CNTN5: variants seen among roughly 807,000 people sequenced by gnomAD.
CNTN5 encodes the protein contactin-5.
CNTN5 carries 77 observed loss-of-function variants against 129.1 expected under a neutral mutation model. That is an observed-to-expected ratio of 0.60 (90% CI 0.50 to 0.72). CNTN5 has a LOEUF of 0.72. CNTN5 is among the 30% of genes least tolerant of loss of function. CNTN5 has a pLI of 0.00. For missense variants in CNTN5, 1,478 were observed against 1,328.8 expected, an observed-to-expected ratio of 1.11 and a Z score of -1.75; for synonymous variants, 509 against 465.6, an observed-to-expected ratio of 1.09 and a Z score of -1.20.
intron 2 of CNTN5, among the ~76,000 whole-genome samples, chr11:99,503,861 G>C (rs191960754): frequency 1.3e-5 from 2 of 152,096 alleles, no homozygotes; most frequent in East Asian, 3.9e-4. Flanking sequence ...ATCCATTTTA[G>C]TTAATAATTA....
chr11:100,341,566 G>T (rs1391550292), intron 23 of CNTN5, among the ~76,000 whole-genome samples: 3 of 152,064 alleles, frequency 2.0e-5, no homozygotes, highest in Non-Finnish European at 4.4e-5. Context: ...GGACCATTTC[G>T]TTTTAGTGGA....
intron 3 of CNTN5, among the ~76,000 whole-genome samples, chr11:99,679,313 G>C (rs1953449910): frequency 6.6e-6 from 1 of 151,604 alleles, no homozygotes. Flanking sequence ...TTATTATACT[G>C]TGGAGATACC....
chr11:99,305,975 C>T (rs553733120), intron 1 of CNTN5, among the ~76,000 whole-genome samples: 4 of 149,898 alleles, frequency 2.7e-5, no homozygotes, highest in African/African-American at 4.9e-5. Context: ...AGTGAAACTC[C>T]GCCTCAAAAA....
At chr11:99,356,034 G>C (rs929605285) in intron 2 of CNTN5, among the ~76,000 whole-genome samples, 2 of 151,864 alleles carry the variant, frequency 1.3e-5, no homozygotes, top group Non-Finnish European at 2.9e-5. Context: ...CACCATGTTA[G>C]CCAGGATGGT....
At chr11:99,809,884 C>A (rs903290457) in intron 3 of CNTN5, among the ~76,000 whole-genome samples, 4 of 152,044 alleles carry the variant, frequency 2.6e-5, no homozygotes, top group African/African-American at 9.7e-5. Context: ...ACAGTTAAAA[C>A]TTTACTGAAA....
intron 6 of CNTN5, among the ~76,000 whole-genome samples, chr11:99,908,223 G>C (rs1181630834): frequency 6.6e-6 from 1 of 151,982 alleles, no homozygotes; most frequent in Non-Finnish European, 1.5e-5. Context: ...AAAGGGGTAA[G>C]GAGTCATAGT....
intron 1 of CNTN5, among the ~76,000 whole-genome samples, chr11:99,134,455 A>G (rs961466426): frequency 2.6e-5 from 4 of 152,196 alleles, no homozygotes; most frequent in Admixed American, 2.6e-4. Context: ...TTGAGATATC[A>G]TTTACAATTA....
At chr11:99,716,857 A>G (rs1379560560) in intron 3 of CNTN5, among the ~76,000 whole-genome samples, 1 of 152,128 alleles carries the variant, frequency 6.6e-6, no homozygotes, top group Non-Finnish European at 1.5e-5. Context: ...AAACGAAAGT[A>G]TTTTATGTTC....
rs180840418 is a variant in CNTN5, at chr11:99,871,595, T to G, written c.577+26333T>G. Among the ~76,000 whole-genome samples the G allele has an allele frequency of 2.2e-4, 33 of 152,188 alleles. No individual in the cohort carries two copies. In the East Asian group the frequency reaches 2.3e-3, roughly 11 times the overall value. On this transcript the variant is annotated intron_variant, in intron 6 of 24. Transcript: ENST00000524871. ...AGGTACTGGGAAAACGTGATTTATATACATTTATGGCTTAGAAAACAACAA... is the reference window on the plus strand; with the variant it reads ...AGGTACTGGGAAAACGTGATTTATAGACATTTATGGCTTAGAAAACAACAA...
chr11:99,159,944 T>C (rs1227579450), intron 1 of CNTN5, among the ~76,000 whole-genome samples: 1 of 152,218 alleles, frequency 6.6e-6, no homozygotes, highest in African/African-American at 2.4e-5. Context: ...AGGCACTTGA[T>C]ATTTAATATT....
chr11:99,681,290 C>G (rs919117225), intron 3 of CNTN5, among the ~76,000 whole-genome samples: 9 of 152,062 alleles, frequency 5.9e-5, no homozygotes, highest in Admixed American at 2.0e-4. Context: ...AGATGCCTTA[C>G]AGTGAGTAAA....
At chr11:99,400,378 G>A (rs1450461915) in intron 2 of CNTN5, among the ~76,000 whole-genome samples, 3 of 152,098 alleles carry the variant, frequency 2.0e-5, no homozygotes, top group Admixed American at 6.6e-5. Context: ...TATTTACGTT[G>A]TTGCTTATCA....
At chr11:99,215,295 A>T (rs1349233864) in intron 1 of CNTN5, among the ~76,000 whole-genome samples, 2 of 152,172 alleles carry the variant, frequency 1.3e-5, no homozygotes, top group African/African-American at 4.8e-5. Flanking sequence ...AAAAGTCACC[A>T]TAGAGCTTCA....
intron 9 of CNTN5, among the ~76,000 whole-genome samples, chr11:100,032,208 A>C (rs151287336): frequency 9.8e-5 from 15 of 152,290 alleles, no homozygotes; most frequent in Non-Finnish European, 1.6e-4. Flanking sequence ...TGAGAGTATC[A>C]CTATGACAGT....
At chr11:100,000,814 A>G (rs12282659) in intron 8 of CNTN5, among the ~76,000 whole-genome samples, 10,618 of 152,160 alleles carry the variant, frequency 0.07, 684 homozygotes, top group African/African-American at 0.16. Flanking sequence ...TTCTGCACAT[A>G]TGTAGGCCCA....
At chr11:99,901,085 G>T (rs778203419) in intron 6 of CNTN5, among the ~76,000 whole-genome samples, 1 of 151,952 alleles carries the variant, frequency 6.6e-6, no homozygotes, top group Non-Finnish European at 1.5e-5. Context: ...CTAACTAAAA[G>T]GATATTTTAA....
chr11:99,675,023 T>G (rs543186915), intron 3 of CNTN5, among the ~76,000 whole-genome samples: 12 of 151,062 alleles, frequency 7.9e-5, no homozygotes, highest in East Asian at 7.8e-4. Context: ...GGTTTTGTTT[T>G]GTTTTGTTTT....
intron 3 of CNTN5, among the ~76,000 whole-genome samples, chr11:99,798,971 A>G (rs917588589): frequency 6.6e-6 from 1 of 151,880 alleles, no homozygotes; most frequent in African/African-American, 2.4e-5. Context: ...CTTTGTAGAG[A>G]TCTTTTATCT....
Position 99,710,924 on chromosome 11 carries a change from C to A in CNTN5, c.56-108620C>A, listed in dbSNP as rs141826336. On this transcript the variant is annotated intron_variant, in intron 3 of 24. Coordinates refer to ENST00000524871, the MANE Select transcript of CNTN5 (RefSeq NM_014361.4). ...GATAAGCAGGAATTTGGAGTTGCTA[C>A]GCAAAATGCAGAATGCCCAATTAAA... 2.0e-5 allele frequency among the ~76,000 whole-genome samples: 3 copies of A among 151,960 alleles called. No homozygotes were observed. The South Asian group carries it at 6.2e-4, about 31-fold the overall frequency.
Sources: gnomAD v4.1 joint callset for allele counts (sites outside exome capture counted in the v4.1 genomes callset) on GRCh38, gnomAD v4.1.1 for gene constraint, MANE v1.5 for transcripts, NCBI Gene and HGNC (gene_info 2026-07-23, HGNC 2026-07-21) for gene names.